ANO10: variants seen among roughly 807,000 people sequenced by gnomAD.
ANO10 encodes anoctamin 10, also known as anoctamin-10.
ANO10 carries 77 observed loss-of-function variants against 74.7 expected under a neutral mutation model. That is an observed-to-expected ratio of 1.03 (90% CI 0.86 to 1.25). The LOEUF (loss-of-function observed/expected upper bound fraction) is 1.25, where lower values mean the gene tolerates loss of function less well. ANO10 is among the 50% of genes most tolerant of loss of function. ANO10 has a pLI of 0.00. For missense variants in ANO10, 721 were observed against 778.1 expected (o/e 0.93, Z 0.87); for synonymous variants, 279 against 284.9 (o/e 0.98, Z 0.21).
At chr3:43,434,290 A>T (rs1430853589) in intron 11 of ANO10, among the ~76,000 whole-genome samples, 1 of 152,232 alleles carries the variant, frequency 6.6e-6, no homozygotes, top group African/African-American at 2.4e-5. Flanking sequence ...ACAAGTAGAT[A>T]ATACAGCATG....
intron 11 of ANO10, chr3:43,485,515 C>T (rs1296686248): frequency 3.9e-6 from 1 of 258,782 alleles, no homozygotes; most frequent in Non-Finnish European, 7.5e-6. Context: ...CCCAAGATTG[C>T]ATTCCTTGGA....
chr3:43,681,986 T>C (rs1348427896), intron 1 of ANO10, among the ~76,000 whole-genome samples: 5 of 152,050 alleles, frequency 3.3e-5, no homozygotes, highest in Admixed American at 2.0e-4. Context: ...AGGAAAGATC[T>C]AAAATTGACA....
At chr3:43,516,817 T>A (rs551495244) in intron 11 of ANO10, among the ~76,000 whole-genome samples, 93 of 152,210 alleles carry the variant, frequency 6.1e-4, no homozygotes, top group Non-Finnish European at 1.1e-3. Context: ...AGTTTCAACG[T>A]GAGTAACATG....
At chr3:43,648,257 G>A (rs1370038317) in intron 1 of ANO10, among the ~76,000 whole-genome samples, 1 of 152,228 alleles carries the variant, frequency 6.6e-6, no homozygotes, top group Non-Finnish European at 1.5e-5. Context: ...ACATTTGGAG[G>A]TGGAAAATTT....
intron 7 of ANO10, among the ~76,000 whole-genome samples, chr3:43,571,707 G>A (rs1397952119): frequency 3.3e-5 from 5 of 151,000 alleles, no homozygotes; most frequent in Admixed American, 2.6e-4. Flanking sequence ...AGGGGGGAGG[G>A]ATAGCATTGG....
At chr3:43,611,439 CTTGTT>C (rs1321777269) in intron 1 of ANO10, among the ~76,000 whole-genome samples, 2 of 152,194 alleles carry the variant, frequency 1.3e-5, no homozygotes, top group Non-Finnish European at 2.9e-5. Flanking sequence ...ATCCCTCTGT[CTTGTT>C]TTGTTCTAGT....
chr3:43,559,487 A>G (rs1351112331), intron 9 of ANO10, among the ~76,000 whole-genome samples: 6 of 152,212 alleles, frequency 3.9e-5, no homozygotes, highest in Non-Finnish European at 7.3e-5. Flanking sequence ...CTGTGAGGGG[A>G]AGGAAAGACA....
At chr3:43,507,460 G>A (rs1432248748) in intron 11 of ANO10, among the ~76,000 whole-genome samples, 2 of 152,124 alleles carry the variant, frequency 1.3e-5, no homozygotes, top group Non-Finnish European at 2.9e-5. Flanking sequence ...GGTCAAGTGT[G>A]CAAGGCATCC....
rs78613812 is a variant in ANO10, at chr3:43,533,139, G to A, written c.1797+16581C>T. Among the ~76,000 whole-genome samples, 10 of 152,312 alleles carry A rather than the reference G, an allele frequency of 6.6e-5. 1 individual carries two copies. The East Asian group carries it at 1.9e-3, about 29-fold the overall frequency. Reference sequence around the variant, plus strand: ...AAAATGGTAGCACATTTCAGATGATGGAAGTGAGAAGCATGTTGTCAAGTG... The same window carrying A: ...AAAATGGTAGCACATTTCAGATGATAGAAGTGAGAAGCATGTTGTCAAGTG... On this transcript the variant is annotated intron_variant, in intron 11 of 12. Coordinates refer to ENST00000292246, the MANE Select transcript of ANO10 (RefSeq NM_018075.5).
chr3:43,384,823 G>T (rs2092070420), intron 12 of ANO10, among the ~76,000 whole-genome samples: 1 of 152,128 alleles, frequency 6.6e-6, no homozygotes, highest in Non-Finnish European at 1.5e-5. Context: ...GATTCTAGAA[G>T]ATAACATCAG....
chr3:43,677,614 A>C (rs2084139723), intron 1 of ANO10, among the ~76,000 whole-genome samples: 1 of 152,316 alleles, frequency 6.6e-6, no homozygotes, highest in East Asian at 1.9e-4. Flanking sequence ...GGCAGACATT[A>C]ATCCACACAA....
At chr3:43,521,127 C>T (rs2077937755) in intron 11 of ANO10, among the ~76,000 whole-genome samples, 2 of 152,196 alleles carry the variant, frequency 1.3e-5, no homozygotes, top group African/African-American at 4.8e-5. Context: ...TTCCAATCGA[C>T]ATGCATTTTA....
In ANO10 at chr3:43,366,855, G is replaced by A. The variant is rs1332003221; in HGVS notation, c.*51C>T. On this transcript the variant is annotated 3_prime_UTR_variant, in exon 13 of 13. Transcript: ENST00000292246. The stretch of plus-strand genomic sequence containing the variant: ...TACCCCCCCTGCCACCGTGGCAGGT[G>A]TGGCACAGACACAGGCCTCTGCCAA... 6.5e-6 allele frequency: 10 copies of A among 1,527,530 alleles called. No individual in the cohort carries two copies. The Admixed American group carries it at 7.8e-5, about 12-fold the overall frequency. 94.6% of individuals were successfully genotyped at this position (1,527,530 alleles called of 1,614,324 possible). A position where few individuals can be genotyped will look rare whatever the true frequency, so the allele number is the denominator to read the frequency against.
intron 11 of ANO10, among the ~76,000 whole-genome samples, chr3:43,446,922 C>T (rs1342117478): frequency 3.3e-5 from 5 of 152,168 alleles, no homozygotes; most frequent in Non-Finnish European, 5.9e-5. Flanking sequence ...CCCCTGCCCT[C>T]ATCTTCCCAA....
At chr3:43,552,417 T>G (rs896037501) in intron 10 of ANO10, among the ~76,000 whole-genome samples, 28 of 151,944 alleles carry the variant, frequency 1.8e-4, no homozygotes, top group African/African-American at 5.8e-4. Context: ...TCTACATATA[T>G]TTAGAATCAT....
chr3:43,507,104 A>G (rs1335046053), intron 11 of ANO10, among the ~76,000 whole-genome samples: 1 of 152,232 alleles, frequency 6.6e-6, no homozygotes, highest in Admixed American at 6.5e-5. Context: ...TCAGTTTCAT[A>G]AGAAAAAGGT....
chr3:43,509,085 G>A (rs1319600274), intron 11 of ANO10, among the ~76,000 whole-genome samples: 1 of 151,640 alleles, frequency 6.6e-6, no homozygotes, highest in Non-Finnish European at 1.5e-5. Flanking sequence ...GGATGAAGCT[G>A]GAAACCATCA....
At chr3:43,612,737 A>G (rs1042583628) in intron 1 of ANO10, among the ~76,000 whole-genome samples, 7 of 152,372 alleles carry the variant, frequency 4.6e-5, no homozygotes, top group African/African-American at 1.4e-4. Flanking sequence ...TTTCTTCAGT[A>G]GAAATCATAA....
At chr3:43,470,592 ATTATTTTAT>A (rs1206022930) in intron 11 of ANO10, among the ~76,000 whole-genome samples, 13 of 131,094 alleles carry the variant, frequency 9.9e-5, no homozygotes, top group Non-Finnish European at 2.1e-4. Context: ...CGGCCTGGTA[ATTATTTTAT>A]TTATTTATTT....
Sources: allele counts gnomAD v4.1 joint callset (sites outside exome capture counted in the v4.1 genomes callset), GRCh38; gene constraint gnomAD v4.1.1; transcripts MANE v1.5; gene names NCBI Gene and HGNC (gene_info 2026-07-23, HGNC 2026-07-21).